Variants in SMAD2 observed in about 807,000 individuals in gnomAD.
SMAD2 encodes MAD homolog 2.
SMAD2 carries 8 observed loss-of-function variants against 64.4 expected under a neutral mutation model. That is an observed-to-expected ratio of 0.12 (90% CI 0.07 to 0.22). The LOEUF is 0.22. SMAD2 is among the 10% of genes least tolerant of loss of function. SMAD2 has a pLI of 1.00. For missense variants in SMAD2, 289 were observed against 561.2 expected, an observed-to-expected ratio of 0.51 and a Z score of 4.90; for synonymous variants, 203 against 195.8, an observed-to-expected ratio of 1.04 and a Z score of -0.31.
At chr18:47,876,923 C>G (rs560735749) in intron 2 of SMAD2, among the ~76,000 whole-genome samples, 1 of 152,178 alleles carries the variant, frequency 6.6e-6, no homozygotes, top group South Asian at 2.1e-4. Flanking sequence ...TATTTATTCA[C>G]ATCTTTGTTA....
intron 6 of SMAD2, among the ~76,000 whole-genome samples, chr18:47,861,316 C>A (rs760637412): frequency 6.6e-6 from 1 of 152,012 alleles, no homozygotes; most frequent in Non-Finnish European, 1.5e-5. Context: ...AAGAGTGAAA[C>A]TCCTTCTCAA....
chr18:47,896,762 T>A lies in SMAD2; in HGVS notation c.-6A>T, dbSNP rs768274606. Reference sequence around the variant, plus strand: ...AATGGCAAGATGGACGACATGTTCTTACCAAAGGCAGCAAGCCACGCTAGG... The same window carrying A: ...AATGGCAAGATGGACGACATGTTCTAACCAAAGGCAGCAAGCCACGCTAGG... On this transcript the variant is annotated 5_prime_UTR_variant, in exon 2 of 11. Coordinates refer to ENST00000262160, the MANE Select transcript of SMAD2 (RefSeq NM_005901.6). 1.2e-6 allele frequency: 2 copies of A among 1,613,464 alleles called. No homozygotes were observed. The highest frequency in any genetic ancestry group is 1.7e-6 in the Non-Finnish European group (2 of 1,179,770).
At position 47,845,426 on chromosome 18, in the gene SMAD2, A is replaced by G. The variant is rs192602610; in HGVS notation, c.1194T>C (p.Val398=). The change falls in exon 10 of 11, where the codon GTT becomes GTC. Residue 398 remains valine, a synonymous_variant. Transcript: ENST00000262160. Reference sequence around the variant, plus strand: ...GATAGACGGCTTCAAAACCCTGATTAACAGACTGAGCCAGAAGAGCAGCAA... The same window carrying G: ...GATAGACGGCTTCAAAACCCTGATTGACAGACTGAGCCAGAAGAGCAGCAA... The part of the protein sequence containing the change: ...QEFAALLAQS[V]NQGFEAVYQL... 1.9e-6 allele frequency: 3 copies of G among 1,613,676 alleles called. No homozygotes were observed. The African/African-American group carries it at 4.0e-5, about 21-fold the overall frequency.
intron 1 of SMAD2, among the ~76,000 whole-genome samples, chr18:47,924,467 C>CTTT (rs935951805): frequency 1.6e-4 from 23 of 143,114 alleles, no homozygotes; most frequent in African/African-American, 5.1e-4. Context: ...TCTTTTTTTT[C>CTTT]TTTTTTTTTT....
At chr18:47,845,519 G>A (rs1914409726) in intron 9 of SMAD2, 35 bp from the exon 10 acceptor site, 1 of 1,602,110 alleles carries the variant, frequency 6.2e-7, no homozygotes, top group African/African-American at 1.3e-5. Flanking sequence ...ATTGTCAAAA[G>A]AGTATCATTA....
At chr18:47,852,312 T>C (rs905138578) in intron 6 of SMAD2, among the ~76,000 whole-genome samples, 1 of 152,166 alleles carries the variant, frequency 6.6e-6, no homozygotes. Flanking sequence ...TCAATCATCT[T>C]TGGGTTAGCG....
intron 6 of SMAD2, among the ~76,000 whole-genome samples, chr18:47,854,425 C>G (rs563705850): frequency 3.9e-5 from 6 of 152,282 alleles, no homozygotes; most frequent in Middle Eastern, 3.4e-3. Context: ...AATTTATAAG[C>G]TAGTGTTTCT....
At chr18:47,903,220 A>AGAT (rs1489258647) in intron 1 of SMAD2, among the ~76,000 whole-genome samples, 9 of 152,192 alleles carry the variant, frequency 5.9e-5, no homozygotes, top group African/African-American at 2.2e-4. Context: ...ACTTTCACCC[A>AGAT]GATACTCAGG....
chr18:47,908,312 T>C (rs1159034742), intron 1 of SMAD2, among the ~76,000 whole-genome samples: 1 of 152,186 alleles, frequency 6.6e-6, no homozygotes, highest in Non-Finnish European at 1.5e-5. Flanking sequence ...GACAAAATGG[T>C]TGTTGTAACA....
At chr18:47,901,556 T>A (rs116605119) in intron 1 of SMAD2, among the ~76,000 whole-genome samples, 2,270 of 129,012 alleles carry the variant, frequency 0.018, 63 homozygotes, top group African/African-American at 0.061. Flanking sequence ...ATATCCAATT[T>A]TTTTCTGTAT....
chr18:47,889,547 G>C (rs565609462), intron 2 of SMAD2, among the ~76,000 whole-genome samples: 1 of 152,094 alleles, frequency 6.6e-6, no homozygotes, highest in East Asian at 1.9e-4. Context: ...CGAGGTGGGC[G>C]GATCACGAGG....
At chr18:47,914,955 T>C (rs755335369) in intron 1 of SMAD2, among the ~76,000 whole-genome samples, 1 of 152,192 alleles carries the variant, frequency 6.6e-6, no homozygotes, top group Non-Finnish European at 1.5e-5. Context: ...TCCATTTATT[T>C]ATTATCTATT....
chr18:47,928,898 T>C (rs2034877167), intron 1 of SMAD2, among the ~76,000 whole-genome samples: 1 of 152,150 alleles, frequency 6.6e-6, no homozygotes, highest in Non-Finnish European at 1.5e-5. Context: ...ATATTTATAG[T>C]AAAAGTGGGC....
At position 47,833,364 on chromosome 18, in the gene SMAD2, C is replaced by T. The variant is rs1377356080; in HGVS notation, c.*8463G>A. 4.5e-6 allele frequency: 1 copy of T among 221,304 alleles called. No individual in the cohort carries two copies. Among genetic ancestry groups the T allele is most frequent in the African/African-American group, 2.2e-5 (1 of 44,808 alleles). The allele number at this position is 221,304 out of a possible 1,614,324, so 13.7% of individuals were successfully genotyped here. Reference sequence around the variant, plus strand: ...AGACATCAGTATTCAACAATTTTAACTTGAAAACCAGCTGTAATAAAGCCT... The same window carrying T: ...AGACATCAGTATTCAACAATTTTAATTTGAAAACCAGCTGTAATAAAGCCT... On this transcript the variant is annotated 3_prime_UTR_variant, in exon 11 of 11. Coordinates refer to ENST00000262160, the MANE Select transcript of SMAD2 (RefSeq NM_005901.6).
At chr18:47,854,499 A>C (rs909453489) in intron 6 of SMAD2, among the ~76,000 whole-genome samples, 5 of 152,142 alleles carry the variant, frequency 3.3e-5, no homozygotes, top group Non-Finnish European at 7.4e-5. Context: ...GCAATTTTTT[A>C]ATTTCTTGTT....
Position 47,837,063 on chromosome 18 carries a change from T to C in SMAD2, c.*4764A>G, listed in dbSNP as rs1469724856. On this transcript the variant is annotated 3_prime_UTR_variant, in exon 11 of 11. Transcript: ENST00000262160. ...CATTGGCTGCAACTGTCAGAAAAGT[T>C]CATAATCTTAAACATAATTTATGCC... is the stretch of plus-strand genomic sequence containing the variant. 4 of 206,180 alleles carry C rather than the reference T, an allele frequency of 1.9e-5. No homozygotes were observed. The highest frequency in any genetic ancestry group is 9.9e-6 in the Non-Finnish European group (1 of 100,740). The allele number at this position is 206,180 out of a possible 1,614,324, so 12.8% of individuals were successfully genotyped here.
chr18:47,839,105 G>GT lies in SMAD2; in HGVS notation c.*2721dup. On this transcript the variant is annotated 3_prime_UTR_variant, in exon 11 of 11. Transcript: ENST00000262160. The stretch of plus-strand genomic sequence containing the variant: ...AAGCATCAAACACATTCACACAAAT[G>GT]TAATTACAACCAGGAAGTAAACTGC... The GT allele has an allele frequency of 4.3e-6, 1 of 233,248 alleles. No individual in the cohort carries two copies. The highest frequency in any genetic ancestry group is 8.5e-6 in the Non-Finnish European group (1 of 118,022). 14.4% of individuals were successfully genotyped at this position (233,248 alleles called of 1,614,324 possible). A position where few individuals can be genotyped will look rare whatever the true frequency, so the allele number is the denominator to read the frequency against.
In SMAD2 at chr18:47,848,707, A is replaced by G. The variant is rs774683109; in HGVS notation, c.785-20T>C. On this transcript the variant is annotated intron_variant, in intron 7 of 10. Coordinates refer to ENST00000262160, the MANE Select transcript of SMAD2 (RefSeq NM_005901.6). ...GTAAATCTGAAAAAGAAAAAAATAA[A>G]AAAATAATAAAAGGAAGAAATGCGT... 4 of 1,525,684 alleles carry G rather than the reference A, an allele frequency of 2.6e-6. No homozygotes were observed. Among genetic ancestry groups the G allele is most frequent in the Non-Finnish European group, 2.7e-6 (3 of 1,110,154 alleles). The allele number at this position is 1,525,684 out of a possible 1,614,324, so 94.5% of individuals were successfully genotyped here.
chr18:47,927,698 G>A lies in SMAD2; in HGVS notation c.-54+2663C>T, dbSNP rs183197639. 5.8e-4 allele frequency among the ~76,000 whole-genome samples: 88 copies of A among 152,262 alleles called. No homozygotes were observed. In the Middle Eastern group the frequency reaches 0.01, roughly 18 times the overall value. ...GCGGATCACCTGAGGTCGGGAGTTCGAGACCAGCCTGACCAACATGGTGAA... is the reference window on the plus strand; with the variant it reads ...GCGGATCACCTGAGGTCGGGAGTTCAAGACCAGCCTGACCAACATGGTGAA... On this transcript the variant is annotated intron_variant, in intron 1 of 10. Transcript: ENST00000262160.
Sources: allele counts gnomAD v4.1 joint callset (sites outside exome capture counted in the v4.1 genomes callset), GRCh38; gene constraint gnomAD v4.1.1; transcripts MANE v1.5; gene names NCBI Gene and HGNC (gene_info 2026-07-23, HGNC 2026-07-21).